The following ERFL variants were observed in gnomAD, a reference collection of about 807,000 sequenced individuals.
The protein encoded by ERFL is ETS domain-containing transcription factor ERF-like.
ERFL carries 8 observed loss-of-function variants against 27.9 expected under a neutral mutation model. The ratio of observed to expected loss-of-function variants is 0.29; its 90% CI spans 0.17 to 0.52. ERFL has a LOEUF of 0.52. Among genes scored for constraint, ERFL ranks in the 20% least tolerant of loss-of-function variants. The pLI is 0.97. For missense variants in ERFL, 294 were observed against 444.4 expected (o/e 0.66, Z 3.04); for synonymous variants, 174 against 202.8 (o/e 0.86, Z 1.21).
chr19:41,911,095 A>G (rs908251869), intron 2 of ERFL, among the ~76,000 whole-genome samples: 3 of 152,220 alleles, frequency 2.0e-5, no homozygotes, highest in Admixed American at 1.3e-4. Flanking sequence ...GCATGTCAGT[A>G]GAGCAACTTC....
At position 41,910,717 on chromosome 19, in the gene ERFL, ATG is replaced by A. The variant is rs368369413; in HGVS notation, c.68-622_68-621del. ...GTCCGTCCAAGAGCAGTCCAGAACGATGTGTGTGTGTGCGTGGACACACACAT... is the reference window on the plus strand; with the variant it reads ...GTCCGTCCAAGAGCAGTCCAGAACGATGTGTGTGTGCGTGGACACACACAT... On this transcript the variant is annotated intron_variant, in intron 2 of 5. Transcript: ENST00000597630. This position sits in a 1 kb window ranked among gnomAD's most constrained non-coding sequence, Gnocchi z 4.4. Among the ~76,000 whole-genome samples the A allele has an allele frequency of 2.0e-5, 3 of 152,118 alleles. No individual in the cohort carries two copies. Among genetic ancestry groups the A allele is most frequent in the African/African-American group, 7.2e-5 (3 of 41,484 alleles).
intron 1 of ERFL, among the ~76,000 whole-genome samples, chr19:41,919,177 A>G (rs554793250): frequency 6.6e-6 from 1 of 152,172 alleles, no homozygotes; most frequent in African/African-American, 2.4e-5. Context: ...ACTACTCTCA[A>G]TACCACACCT....
At position 41,914,586 on chromosome 19, in the gene ERFL, C is replaced by T. The variant is rs1303977173; in HGVS notation, c.-13-1654G>A. On this transcript the variant is annotated intron_variant, in intron 1 of 5. Transcript: ENST00000597630. ...CCATCTCTGTCTCCGTCTCTCCCTC[C>T]CTTTCCACCATCTCTGTCTCTCCCT... Among the ~76,000 whole-genome samples, 7 of 98,932 alleles carry T rather than the reference C, an allele frequency of 7.1e-5. 1 individual carries two copies. The highest frequency in any genetic ancestry group is 4.3e-4 in the Admixed American group (4 of 9,374). 64.9% of individuals were successfully genotyped at this position (98,932 alleles called of 152,430 possible).
At chr19:41,919,615 G>A (rs1216617822) in intron 1 of ERFL, among the ~76,000 whole-genome samples, 1 of 151,922 alleles carries the variant, frequency 6.6e-6, no homozygotes, top group Non-Finnish European at 1.5e-5. Context: ...CCAACACAGC[G>A]CCACACAAAC....
Position 41,917,410 on chromosome 19 carries a change from C to CGGCCGCCTCGGG in ERFL, c.-13-4490_-13-4479dup, listed in dbSNP as rs2074807907. 6.6e-6 allele frequency among the ~76,000 whole-genome samples: 1 copy of CGGCCGCCTCGGG among 152,070 alleles called. No homozygotes were observed. Among genetic ancestry groups the CGGCCGCCTCGGG allele is most frequent in the Non-Finnish European group, 1.5e-5 (1 of 67,998 alleles). ...TTGTTTTGATTTCTCTAAGCTGCGC[C>CGGCCGCCTCGGG]GGCCGCCTCGGGAGCCGCCTCGGGC... On this transcript the variant is annotated intron_variant, in intron 1 of 5. Coordinates refer to ENST00000597630, the MANE Select transcript of ERFL (RefSeq NM_001365103.2). This position sits in a 1 kb window ranked among gnomAD's most constrained non-coding sequence, Gnocchi z 4.8.
chr19:41,914,747 C>A (rs1223103231), intron 1 of ERFL, among the ~76,000 whole-genome samples: 2 of 28,094 alleles, frequency 7.1e-5, no homozygotes, highest in Non-Finnish European at 1.1e-4. Context: ...ATCTCTGTCT[C>A]TCCCTCCCCT....
Position 41,909,273 on chromosome 19 carries a change from C to T in ERFL, c.498+3G>A. The T allele has an allele frequency of 8.1e-7, 1 of 1,232,682 alleles. No individual in the cohort carries two copies. The highest frequency in any genetic ancestry group is 1.0e-6 in the Non-Finnish European group (1 of 988,510). The allele number at this position is 1,232,682 out of a possible 1,614,324, so 76.4% of individuals were successfully genotyped here. ...GTTCCAGGACCCCAGTACCCAGACT[C>T]ACCTCAGGGGTGAGGGGAGGAGCAT... On this transcript the variant is annotated splice_donor_region_variant and intron_variant, in intron 4 of 5. Coordinates refer to ENST00000597630, the MANE Select transcript of ERFL (RefSeq NM_001365103.2). This position sits in a 1 kb window ranked among gnomAD's most constrained non-coding sequence, Gnocchi z 5.2.
chr19:41,912,523 T>C lies in ERFL; in HGVS notation c.67+330A>G, dbSNP rs191078812. On this transcript the variant is annotated intron_variant, in intron 2 of 5. Transcript: ENST00000597630. ...CTCCAGCCCAGTCCCTGCTCTCTTT[T>C]CCCCGCAGGTCCTGCGTGGGAGCAG... 6.4e-3 allele frequency among the ~76,000 whole-genome samples: 969 copies of C among 152,206 alleles called. 11 individuals are homozygous for C. Among genetic ancestry groups the C allele is most frequent in the African/African-American group, 0.018 (742 of 41,540 alleles).
chr19:41,908,989 T>C lies in ERFL; in HGVS notation c.616+71A>G. ...TCCCCATCTCTTCTCTTGTCTTTTCTCATCCTCTTCCCTCAAGCCTGCAGC... is the reference window on the plus strand; with the variant it reads ...TCCCCATCTCTTCTCTTGTCTTTTCCCATCCTCTTCCCTCAAGCCTGCAGC... On this transcript the variant is annotated intron_variant, in intron 5 of 5. Transcript: ENST00000597630. The surrounding 1 kb of genome is among the most constrained non-coding windows in gnomAD (Gnocchi z 6.7). 1 of 979,494 alleles carries C rather than the reference T, an allele frequency of 1.0e-6. No individual in the cohort carries two copies. The highest frequency in any genetic ancestry group is 5.4e-5 in the South Asian group (1 of 18,640). 60.7% of individuals were successfully genotyped at this position (979,494 alleles called of 1,614,324 possible).
At chr19:41,914,324 C>T (rs1555851568) in intron 1 of ERFL, among the ~76,000 whole-genome samples, 2 of 151,444 alleles carry the variant, frequency 1.3e-5, no homozygotes, top group Admixed American at 6.6e-5. Context: ...TCCGTCTCCC[C>T]CCACCATCTC....
At chr19:41,912,596 C>G (rs1555851359) in intron 2 of ERFL, among the ~76,000 whole-genome samples, 2 of 152,336 alleles carry the variant, frequency 1.3e-5, no homozygotes, top group African/African-American at 4.8e-5. Flanking sequence ...CCCCTCCGTC[C>G]TCACCCCTCA....
At chr19:41,913,878 C>T (rs782647943) in intron 1 of ERFL, among the ~76,000 whole-genome samples, 1 of 151,210 alleles carries the variant, frequency 6.6e-6, no homozygotes, top group Non-Finnish European at 1.5e-5. Flanking sequence ...CCCGAGACCC[C>T]TCCCCTCAGG....
chr19:41,915,451 T>G (rs2074795138), intron 1 of ERFL, among the ~76,000 whole-genome samples: 2 of 151,788 alleles, frequency 1.3e-5, no homozygotes, highest in African/African-American at 4.8e-5. Context: ...CCCTGTCTCT[T>G]GGTTCCCACG....
chr19:41,920,516 C>T (rs973343205), intron 1 of ERFL, among the ~76,000 whole-genome samples: 8 of 151,176 alleles, frequency 5.3e-5, no homozygotes, highest in Admixed American at 2.0e-4. Flanking sequence ...AGACATGACA[C>T]GCTCACAGAC....
In ERFL at chr19:41,910,185, T is replaced by C; in HGVS notation, c.68-88A>G. The C allele has an allele frequency of 7.7e-7, 1 of 1,296,368 alleles. No individual in the cohort carries two copies. Among genetic ancestry groups the C allele is most frequent in the Non-Finnish European group, 1.1e-6 (1 of 943,788 alleles). 80.3% of individuals were successfully genotyped at this position (1,296,368 alleles called of 1,614,324 possible). ...GCTGGACTCAGTAACCTGGGAGGCA[T>C]GTAGTTCTCCTCCAGTCTCAGGCAT... On this transcript the variant is annotated intron_variant, in intron 2 of 5. Transcript: ENST00000597630. This position sits in a 1 kb window ranked among gnomAD's most constrained non-coding sequence, Gnocchi z 4.4.
In ERFL at chr19:41,910,275, A is replaced by C. The variant is rs538534538; in HGVS notation, c.68-178T>G. Among the ~76,000 whole-genome samples, 29 of 152,186 alleles carry C rather than the reference A, an allele frequency of 1.9e-4. 1 individual carries two copies. Among genetic ancestry groups the C allele is most frequent in the Admixed American group, 1.8e-3 (27 of 15,288 alleles). On this transcript the variant is annotated intron_variant, in intron 2 of 5. Coordinates refer to ENST00000597630, the MANE Select transcript of ERFL (RefSeq NM_001365103.2). This position sits in a 1 kb window ranked among gnomAD's most constrained non-coding sequence, Gnocchi z 4.4. The stretch of plus-strand genomic sequence containing the variant: ...TTGTGTCTGGTCCCCAAATTACCCA[A>C]ATAAGGGCAAGAACCCAGTCATCCA...
chr19:41,920,624 C>T (rs1555852396), intron 1 of ERFL, among the ~76,000 whole-genome samples: 1 of 152,242 alleles, frequency 6.6e-6, no homozygotes, highest in East Asian at 1.9e-4. Flanking sequence ...AGCACCCATA[C>T]TTAGTCACCT....
chr19:41,912,991 C>G (rs2074762915), intron 1 of ERFL, 59 bp from the exon 2 acceptor site: 5 of 801,662 alleles, frequency 6.2e-6, no homozygotes, highest in Non-Finnish European at 8.4e-6. Context: ...AGACACAGGT[C>G]AGCCAGCGGG....
At chr19:41,912,162 C>T (rs1296607494) in intron 2 of ERFL, among the ~76,000 whole-genome samples, 1 of 152,228 alleles carries the variant, frequency 6.6e-6, no homozygotes, top group Non-Finnish European at 1.5e-5. Flanking sequence ...CTCAGATGTG[C>T]ACGTACAAGC....
Sources: allele counts gnomAD v4.1 joint callset (sites outside exome capture counted in the v4.1 genomes callset), GRCh38; gene constraint gnomAD v4.1.1; non-coding constraint Gnocchi (gnomAD v3.1); transcripts MANE v1.5; gene names NCBI Gene and HGNC (gene_info 2026-07-23, HGNC 2026-07-21).